ALKBH5: variants seen among roughly 807,000 people sequenced by gnomAD.
The protein encoded by ALKBH5 is RNA demethylase ALKBH5.
Under a neutral mutation model 32.1 loss-of-function variants are expected in ALKBH5, and 2 were observed. That is an observed-to-expected ratio of 0.06 (90% CI 0.03 to 0.20). The LOEUF is 0.20. Among genes scored for constraint, ALKBH5 ranks in the 10% least tolerant of loss-of-function variants. The pLI is 1.00. For missense variants in ALKBH5, 352 were observed against 559.5 expected (o/e 0.63, Z 3.74); for synonymous variants, 300 against 231.7 (o/e 1.29, Z -2.68).
At chr17:18,186,443 G>A (rs1181653991) in intron 1 of ALKBH5, among the ~76,000 whole-genome samples, 1 of 152,108 alleles carries the variant, frequency 6.6e-6, no homozygotes, top group African/African-American at 2.4e-5. Flanking sequence ...CCTCACACAA[G>A]GACCATTTGG....
In ALKBH5 at chr17:18,206,996, A is replaced by AG. The variant is rs780703450; in HGVS notation, c.1007+28dup. On this transcript the variant is annotated intron_variant, in intron 3 of 3. Coordinates refer to ENST00000399138, the MANE Select transcript of ALKBH5 (RefSeq NM_017758.4). ...GTACTCAGTTTAGGACCCTCAGCAAAGGCTGGCAAAGGCCTGGCTGCAGGG... is the reference window on the plus strand; with the variant it reads ...GTACTCAGTTTAGGACCCTCAGCAAAGGGCTGGCAAAGGCCTGGCTGCAGGG... 1.9e-6 allele frequency: 3 copies of AG among 1,607,716 alleles called. No individual in the cohort carries two copies. The South Asian group carries it at 3.3e-5, about 18-fold the overall frequency.
Position 18,185,391 on chromosome 17 carries a change from TA to T in ALKBH5, c.770+382del, listed in dbSNP as rs1390336280. ...GCCTTCCATTTACAAATCTATGCTT[TA>T]AAATTTTTTTTTTTTTTAATTTATC... On this transcript the variant is annotated intron_variant, in intron 1 of 3. Transcript: ENST00000399138. Among the ~76,000 whole-genome samples, 6 of 112,592 alleles carry T rather than the reference TA, an allele frequency of 5.3e-5. No individual in the cohort carries two copies. In the South Asian group the frequency reaches 1.5e-3, roughly 28 times the overall value. 73.9% of individuals were successfully genotyped at this position (112,592 alleles called of 152,430 possible).
In ALKBH5 at chr17:18,184,003, G is replaced by A. The variant is rs2047117917; in HGVS notation, c.-241G>A. On this transcript the variant is annotated 5_prime_UTR_variant, in exon 1 of 4. Coordinates refer to ENST00000399138, the MANE Select transcript of ALKBH5 (RefSeq NM_017758.4). The stretch of plus-strand genomic sequence containing the variant: ...GCGCTGCCGGCGCCCCTGCCCCGCG[G>A]GACGTGGAGAAGGTGGAGGAGGAAG... 2 of 661,642 alleles carry A rather than the reference G, an allele frequency of 3.0e-6. No individual in the cohort carries two copies. The highest frequency in any genetic ancestry group is 1.5e-5 in the South Asian group (1 of 65,112). 41.0% of individuals were successfully genotyped at this position (661,642 alleles called of 1,614,324 possible).
At chr17:18,202,584 A>G (rs1196414737) in intron 2 of ALKBH5, among the ~76,000 whole-genome samples, 1 of 152,094 alleles carries the variant, frequency 6.6e-6, no homozygotes, top group Non-Finnish European at 1.5e-5. Context: ...CTTTTAGCAC[A>G]AGGATGCCTG....
intron 1 of ALKBH5, among the ~76,000 whole-genome samples, chr17:18,191,342 A>G (rs116757349): frequency 0.019 from 2,967 of 152,232 alleles, 97 homozygotes; most frequent in African/African-American, 0.067. Flanking sequence ...TAAGCCTTCC[A>G]GGTTGGGTCA....
intron 2 of ALKBH5, among the ~76,000 whole-genome samples, chr17:18,196,631 A>G (rs1057050297): frequency 4.6e-5 from 7 of 152,246 alleles, no homozygotes; most frequent in African/African-American, 1.7e-4. Flanking sequence ...CTACATAACC[A>G]AGAATATATA....
intron 2 of ALKBH5, among the ~76,000 whole-genome samples, chr17:18,202,199 C>T (rs1192275838): frequency 1.3e-5 from 2 of 151,400 alleles, no homozygotes. Context: ...GTTGCAGCTA[C>T]TTGGAGGCTG....
intron 1 of ALKBH5, among the ~76,000 whole-genome samples, chr17:18,194,397 G>T (rs892355261): frequency 2.0e-5 from 3 of 152,088 alleles, no homozygotes; most frequent in Non-Finnish European, 4.4e-5. Flanking sequence ...CAGGTGATCC[G>T]CCCACCTCGG....
At position 18,208,169 on chromosome 17, in the gene ALKBH5, G is replaced by C. The variant is rs746896549; in HGVS notation, c.1008-50G>C. 9.0e-6 allele frequency: 14 copies of C among 1,553,152 alleles called. No individual in the cohort carries two copies. The Admixed American group carries it at 1.7e-4, about 19-fold the overall frequency. On this transcript the variant is annotated intron_variant, in intron 3 of 3. Coordinates refer to ENST00000399138, the MANE Select transcript of ALKBH5 (RefSeq NM_017758.4). Reference sequence around the variant, plus strand: ...AGACGAGGTACAGCGGTAAAGCCAGGCGCCTCCTGCCAGCCTCTCAGATAA... The same window carrying C: ...AGACGAGGTACAGCGGTAAAGCCAGCCGCCTCCTGCCAGCCTCTCAGATAA...
At position 18,184,461 on chromosome 17, in the gene ALKBH5, A is replaced by G. The variant is rs2047124846; in HGVS notation, c.218A>G (p.Glu73Gly). ...DSDPERSDYEEQQLQKEEEAR... is the reference protein window; with the variant it reads ...DSDPERSDYEGQQLQKEEEAR... Reference sequence around the variant, plus strand: ...GACCCCGAGCGCAGCGACTATGAGGAGCAGCAGCTGCAGAAGGAGGAGGAG... The same window carrying G: ...GACCCCGAGCGCAGCGACTATGAGGGGCAGCAGCTGCAGAAGGAGGAGGAG... Residue 73 changes from glutamate to glycine, a missense_variant, in exon 1 of 4, where the codon GAG becomes GGG. This residue lies in a region of ALKBH5 where 144 missense variants were observed against 125.8 expected (regional missense o/e 1.14). Transcript: ENST00000399138. 6.2e-7 allele frequency: 1 copy of G among 1,611,956 alleles called. No homozygotes were observed. The highest frequency in any genetic ancestry group is 8.5e-7 in the Non-Finnish European group (1 of 1,179,380).
chr17:18,187,277 G>A (rs773110094), intron 1 of ALKBH5, among the ~76,000 whole-genome samples: 38 of 152,070 alleles, frequency 2.5e-4, no homozygotes, highest in Non-Finnish European at 5.4e-4. Flanking sequence ...ATACACAACA[G>A]CAGTGTCTTT....
intron 1 of ALKBH5, among the ~76,000 whole-genome samples, chr17:18,190,002 G>A (rs1347658561): frequency 4.6e-5 from 7 of 152,184 alleles, no homozygotes; most frequent in Non-Finnish European, 8.8e-5. Flanking sequence ...GGGTCCAGGT[G>A]GCTGGTCTGC....
At position 18,209,918 on chromosome 17, in the gene ALKBH5, G is replaced by A. The variant is rs2047294609; in HGVS notation, c.*1522G>A. ...TGCAGCACTTCGCCCTGATATGTGT[G>A]CTCTACAATAAAAACCAAATCTAAT... On this transcript the variant is annotated 3_prime_UTR_variant, in exon 4 of 4. Coordinates refer to ENST00000399138, the MANE Select transcript of ALKBH5 (RefSeq NM_017758.4). 6.6e-6 allele frequency: 1 copy of A among 152,650 alleles called. No individual in the cohort carries two copies. Among genetic ancestry groups the A allele is most frequent in the South Asian group, 2.1e-4 (1 of 4,830 alleles). 9.5% of individuals were successfully genotyped at this position (152,650 alleles called of 1,614,324 possible).
In ALKBH5 at chr17:18,207,064, T is replaced by C. The variant is rs2047273447; in HGVS notation, c.1007+94T>C. 6.1e-6 allele frequency: 9 copies of C among 1,482,142 alleles called. 1 individual carries two copies. The highest frequency in any genetic ancestry group is 8.2e-6 in the Non-Finnish European group (9 of 1,099,092). The allele number at this position is 1,482,142 out of a possible 1,614,324, so 91.8% of individuals were successfully genotyped here. On this transcript the variant is annotated intron_variant, in intron 3 of 3. Coordinates refer to ENST00000399138, the MANE Select transcript of ALKBH5 (RefSeq NM_017758.4). Reference sequence around the variant, plus strand: ...CCTGGGGTAGGCTGTTTAGGAGCCTTGGCTTGCTCACCCTTTCAAAACCTT... The same window carrying C: ...CCTGGGGTAGGCTGTTTAGGAGCCTCGGCTTGCTCACCCTTTCAAAACCTT...
intron 2 of ALKBH5, among the ~76,000 whole-genome samples, chr17:18,201,786 G>GATAGATAGATA (rs200689873): frequency 2.0e-4 from 17 of 84,400 alleles, no homozygotes; most frequent in East Asian, 1.0e-3. Context: ...TAGATAGATA[G>GATAGATAGATA]GATAGATAAG....
chr17:18,195,852 A>G (rs1461899337), intron 2 of ALKBH5, among the ~76,000 whole-genome samples: 1 of 152,250 alleles, frequency 6.6e-6, no homozygotes, highest in Non-Finnish European at 1.5e-5. Context: ...GATTGCCCAG[A>G]GTCATAGAAG....
chr17:18,183,951 C>T lies in ALKBH5; in HGVS notation c.-293C>T, dbSNP rs1031805429. Reference sequence around the variant, plus strand: ...GGTCTGGTCGGGAGTCGGGCCGCGTCTCCGCAGCAGCCCTCCGCGGCATGA... The same window carrying T: ...GGTCTGGTCGGGAGTCGGGCCGCGTTTCCGCAGCAGCCCTCCGCGGCATGA... On this transcript the variant is annotated 5_prime_UTR_variant, in exon 1 of 4. Coordinates refer to ENST00000399138, the MANE Select transcript of ALKBH5 (RefSeq NM_017758.4). 2 of 601,794 alleles carry T rather than the reference C, an allele frequency of 3.3e-6. No individual in the cohort carries two copies. The highest frequency in any genetic ancestry group is 6.2e-6 in the Non-Finnish European group (2 of 324,952). 37.3% of individuals were successfully genotyped at this position (601,794 alleles called of 1,614,324 possible). A position where few individuals can be genotyped will look rare whatever the true frequency, so the allele number is the denominator to read the frequency against.
chr17:18,199,841 C>G (rs1321741516), intron 2 of ALKBH5, among the ~76,000 whole-genome samples: 1 of 152,108 alleles, frequency 6.6e-6, no homozygotes, highest in African/African-American at 2.4e-5. Context: ...CGTGGTGGCT[C>G]ACACCTGTAA....
chr17:18,191,383 G>C (rs1406725646), intron 1 of ALKBH5, among the ~76,000 whole-genome samples: 1 of 152,160 alleles, frequency 6.6e-6, no homozygotes, highest in East Asian at 1.9e-4. Flanking sequence ...GGCCTGTGCA[G>C]CCCTACCTCC....
Sources: gnomAD v4.1 joint callset for allele counts (sites outside exome capture counted in the v4.1 genomes callset) on GRCh38, gnomAD v4.1.1 for gene constraint, gnomAD v4.1.1 regional missense constraint, MANE v1.5 for transcripts, NCBI Gene and HGNC (gene_info 2026-07-23, HGNC 2026-07-21) for gene names.